The following CFAP61 variants were observed in gnomAD, a reference collection of about 807,000 sequenced individuals.
CFAP61 encodes the protein cilia and flagella associated protein 61, also known as cilia- and flagella-associated protein 61.
In CFAP61, 107 loss-of-function variants were observed where a neutral mutation model predicts 135.6. The observed-to-expected ratio is 0.79, with a 90% CI of 0.67 to 0.93. The LOEUF is 0.93. Ranked by LOEUF, CFAP61 falls within the 40% of genes least tolerant of loss-of-function variation. CFAP61 has a pLI of 0.00. For missense variants in CFAP61, 1,507 were observed against 1,556.2 expected, an observed-to-expected ratio of 0.97 and a Z score of 0.53; for synonymous variants, 575 against 578.5, an observed-to-expected ratio of 0.99 and a Z score of 0.09.
intron 8 of CFAP61, among the ~76,000 whole-genome samples, chr20:20,112,815 C>T (rs1055402105): frequency 6.6e-6 from 1 of 152,174 alleles, no homozygotes. Flanking sequence ...ATTGCCTTGT[C>T]TTTATCCCAT....
At chr20:20,089,894 G>T (rs1478655031) in intron 6 of CFAP61, among the ~76,000 whole-genome samples, 1 of 152,196 alleles carries the variant, frequency 6.6e-6, no homozygotes, top group African/African-American at 2.4e-5. Flanking sequence ...AAGTGCAGAG[G>T]CATCTCAGGA....
At chr20:20,297,099 A>AACTTGTAACTTTACAGTTACAAGT (rs1569262611) in intron 24 of CFAP61, among the ~76,000 whole-genome samples, 1 of 152,066 alleles carries the variant, frequency 6.6e-6, no homozygotes, top group Non-Finnish European at 1.5e-5. Flanking sequence ...TGCCTCCTGT[A>AACTTGTAACTTTACAGTTACAAGT]TATCTCACCT....
intron 14 of CFAP61, among the ~76,000 whole-genome samples, chr20:20,190,203 G>A (rs758447797): frequency 3.3e-5 from 5 of 152,226 alleles, no homozygotes; most frequent in Non-Finnish European, 5.9e-5. Context: ...GCTATTGTCA[G>A]CAAAGATATC....
chr20:20,104,124 ATAAC>A (rs1363597610), intron 8 of CFAP61, among the ~76,000 whole-genome samples: 1 of 152,228 alleles, frequency 6.6e-6, no homozygotes, highest in African/African-American at 2.4e-5. Flanking sequence ...ATTCAAAAGA[ATAAC>A]TAGTGTAGCC....
chr20:20,340,054 G>A (rs1037820289), intron 25 of CFAP61, among the ~76,000 whole-genome samples: 8 of 152,198 alleles, frequency 5.3e-5, no homozygotes, highest in African/African-American at 1.2e-4. Flanking sequence ...GAAAGCAGCC[G>A]GGTCTGAGCC....
At chr20:20,128,430 A>G (rs1419602432) in intron 8 of CFAP61, among the ~76,000 whole-genome samples, 7 of 151,512 alleles carry the variant, frequency 4.6e-5, no homozygotes. Flanking sequence ...AAGGTCAGAA[A>G]TTTCTCCCAC....
At chr20:20,187,243 A>G (rs932725304) in intron 13 of CFAP61, among the ~76,000 whole-genome samples, 2 of 152,144 alleles carry the variant, frequency 1.3e-5, no homozygotes, top group Non-Finnish European at 2.9e-5. Context: ...GCTTCCCCCA[A>G]CCAAAGCAAC....
At chr20:20,335,587 G>A (rs943773718) in intron 25 of CFAP61, among the ~76,000 whole-genome samples, 1 of 152,140 alleles carries the variant, frequency 6.6e-6, no homozygotes, top group Admixed American at 6.5e-5. Flanking sequence ...ACATATATGT[G>A]ATGGCTGGAG....
chr20:20,306,904 G>A (rs990794885), intron 25 of CFAP61, among the ~76,000 whole-genome samples: 44 of 152,174 alleles, frequency 2.9e-4, no homozygotes, highest in Non-Finnish European at 5.9e-4. Context: ...AATGTGAACC[G>A]TACATGAAAC....
intron 9 of CFAP61, among the ~76,000 whole-genome samples, chr20:20,153,046 A>G (rs2052586839): frequency 6.6e-6 from 1 of 152,218 alleles, no homozygotes; most frequent in Admixed American, 6.5e-5. Context: ...GTAGAATAAA[A>G]TTGGAAATTA....
At chr20:20,293,988 A>C (rs1248782827) in intron 24 of CFAP61, among the ~76,000 whole-genome samples, 3 of 152,238 alleles carry the variant, frequency 2.0e-5, no homozygotes, top group African/African-American at 7.2e-5. Context: ...AAAGGACCTC[A>C]AAAGGATAAT....
At chr20:20,127,224 C>A (rs2050137698) in intron 8 of CFAP61, among the ~76,000 whole-genome samples, 2 of 151,676 alleles carry the variant, frequency 1.3e-5, no homozygotes, top group Non-Finnish European at 2.9e-5. Context: ...TCAGGTAAAT[C>A]AGGGATTTCT....
At chr20:20,348,032 AT>A (rs2058696708) in intron 26 of CFAP61, among the ~76,000 whole-genome samples, 1 of 152,136 alleles carries the variant, frequency 6.6e-6, no homozygotes, top group Non-Finnish European at 1.5e-5. Flanking sequence ...TGAATCAATA[AT>A]CAAAAACCTC....
At chr20:20,355,798 G>GGAGGTAGTGACACTGTGAGCA (rs1379284668) in intron 26 of CFAP61, among the ~76,000 whole-genome samples, 204 of 138,780 alleles carry the variant, frequency 1.5e-3, no homozygotes, top group African/African-American at 5.4e-3. Flanking sequence ...CACACTGAGG[G>GGAGGTAGTGACACTGTGAGCA]GAGGTAGTGA....
chr20:20,162,157 C>T (rs1200944297), intron 10 of CFAP61, among the ~76,000 whole-genome samples: 7 of 152,082 alleles, frequency 4.6e-5, no homozygotes, highest in Non-Finnish European at 8.8e-5. Context: ...GAGCTGGCAG[C>T]GCAGCATCTT....
At chr20:20,121,571 C>T (rs1304906234) in intron 8 of CFAP61, among the ~76,000 whole-genome samples, 1 of 151,958 alleles carries the variant, frequency 6.6e-6, no homozygotes, top group Non-Finnish European at 1.5e-5. Context: ...CTTGGCACAC[C>T]ACAACCTCTA....
chr20:20,164,797 TAAAG>T (rs949919031), intron 11 of CFAP61, among the ~76,000 whole-genome samples: 2 of 152,148 alleles, frequency 1.3e-5, no homozygotes, highest in African/African-American at 4.8e-5. Context: ...GGGTGATTTA[TAAAG>T]AAAAAGAGGT....
intron 13 of CFAP61, among the ~76,000 whole-genome samples, chr20:20,175,012 G>C (rs767220170): frequency 6.6e-6 from 1 of 152,182 alleles, no homozygotes; most frequent in African/African-American, 2.4e-5. Context: ...AGTCAGCCAG[G>C]GGTGCAAGAG....
At chr20:20,214,261 A>G (rs1334149430) in intron 17 of CFAP61, 1 of 152,172 alleles carries the variant, frequency 6.6e-6, no homozygotes, top group African/African-American at 2.4e-5. Flanking sequence ...CCACCATCCC[A>G]GTGGATTGTG....
Sources: gnomAD v4.1 joint callset for allele counts (sites outside exome capture counted in the v4.1 genomes callset) on GRCh38, gnomAD v4.1.1 for gene constraint, MANE v1.5 for transcripts, NCBI Gene and HGNC (gene_info 2026-07-23, HGNC 2026-07-21) for gene names.